The following BAZ1B variants were observed in gnomAD, a reference collection of about 807,000 sequenced individuals.
BAZ1B encodes bromodomain adjacent to zinc finger domain 1B.
BAZ1B carries 22 observed loss-of-function variants against 153.8 expected under a neutral mutation model. The ratio of observed to expected loss-of-function variants is 0.14; its 90% CI spans 0.10 to 0.20. The LOEUF is 0.20. Ranked by LOEUF, BAZ1B falls within the 10% of genes least tolerant of loss-of-function variation. The pLI, the probability that BAZ1B is intolerant of heterozygous loss-of-function variation, is 1.00. For missense variants in BAZ1B, 1,325 were observed against 1,799.3 expected (o/e 0.74, Z 4.77); for synonymous variants, 676 against 633.4 (o/e 1.07, Z -1.01).
rs782041796 is a variant in BAZ1B, at chr7:73,492,937, A to C, written c.572-16T>G. 1.6e-5 allele frequency: 25 copies of C among 1,573,280 alleles called. No homozygotes were observed. In the East Asian group the frequency reaches 5.4e-4, roughly 34 times the overall value. On this transcript the variant is annotated splice_polypyrimidine_tract_variant and intron_variant, in intron 4 of 19. Coordinates refer to ENST00000339594, the MANE Select transcript of BAZ1B (RefSeq NM_032408.4). ...GCTCTGTCATCTAGTCAAATCATAG[A>C]AAATTAGTGAAAAACGTAATTATTT... is the stretch of plus-strand genomic sequence containing the variant.
chr7:73,452,627 C>G (rs1788059788), intron 13 of BAZ1B, among the ~76,000 whole-genome samples: 1 of 150,668 alleles, frequency 6.6e-6, no homozygotes, highest in Non-Finnish European at 1.5e-5. Context: ...GAGACTGAGG[C>G]AGGAGAATTG....
At chr7:73,495,786 A>G (rs1554576302) in intron 4 of BAZ1B, among the ~76,000 whole-genome samples, 1 of 152,188 alleles carries the variant, frequency 6.6e-6, no homozygotes, top group Non-Finnish European at 1.5e-5. Flanking sequence ...GGAACAGAAA[A>G]CCAAATACTG....
chr7:73,447,218 C>A (rs1444995041), intron 16 of BAZ1B, 46 bp downstream of exon 16: 1 of 1,612,396 alleles, frequency 6.2e-7, no homozygotes, highest in South Asian at 1.1e-5. Flanking sequence ...GCGTTCCAAG[C>A]TTAGAAGACT....
chr7:73,442,718 C>A lies in BAZ1B; in HGVS notation c.4094+7G>T. ...CTCTCCCCTGCACCTGAGAACACAG[C>A]ACTCACCTGAAGGGCCAGCTGAAGC... On this transcript the variant is annotated splice_region_variant and intron_variant, in intron 18 of 19. Transcript: ENST00000339594. 1 of 1,613,044 alleles carries A rather than the reference C, an allele frequency of 6.2e-7. No individual in the cohort carries two copies. Among genetic ancestry groups the A allele is most frequent in the East Asian group, 2.2e-5 (1 of 44,862 alleles).
chr7:73,489,165 T>C (rs1330154489), intron 6 of BAZ1B, 29 bp downstream of exon 6: 2 of 1,601,542 alleles, frequency 1.2e-6, no homozygotes, highest in African/African-American at 1.3e-5. Context: ...TGCTTTATCC[T>C]GCTGTCCAAA....
chr7:73,464,356 A>C (rs1554570863), intron 11 of BAZ1B, among the ~76,000 whole-genome samples: 1 of 152,134 alleles, frequency 6.6e-6, no homozygotes, highest in Non-Finnish European at 1.5e-5. Flanking sequence ...GATTCTTTTT[A>C]ATTCATATGA....
At chr7:73,481,855 G>C (rs2116352973) in intron 6 of BAZ1B, among the ~76,000 whole-genome samples, 1 of 152,194 alleles carries the variant, frequency 6.6e-6, no homozygotes, top group African/African-American at 2.4e-5. Flanking sequence ...GGCTAACACA[G>C]TGAAACACCA....
chr7:73,508,036 G>A (rs1252871788), intron 3 of BAZ1B, among the ~76,000 whole-genome samples: 1 of 152,064 alleles, frequency 6.6e-6, no homozygotes, highest in Non-Finnish European at 1.5e-5. Flanking sequence ...CACACCTGTA[G>A]TCCCAGCTAC....
rs1554571684 is a variant in BAZ1B at position 73,469,480 on chromosome 7, AG to A, written c.2866+36del. 4 of 1,609,468 alleles carry A rather than the reference AG, an allele frequency of 2.5e-6. No individual in the cohort carries two copies. In the East Asian group the frequency reaches 6.7e-5, roughly 27 times the overall value. On this transcript the variant is annotated intron_variant, in intron 9 of 19. Coordinates refer to ENST00000339594, the MANE Select transcript of BAZ1B (RefSeq NM_032408.4). ...TCCTTAATGTTGAGCCCACTTGAGC[AG>A]GGTGAAATAACTCTTAGATATACAG...
At chr7:73,479,965 C>A (rs782558624) in intron 6 of BAZ1B, among the ~76,000 whole-genome samples, 1 of 151,968 alleles carries the variant, frequency 6.6e-6, no homozygotes, top group African/African-American at 2.4e-5. Flanking sequence ...GTCAGGAGAT[C>A]GAGACCATCC....
intron 8 of BAZ1B, 88 bp from the exon 9 acceptor site, chr7:73,469,738 C>CA: frequency 6.8e-7 from 1 of 1,480,962 alleles, no homozygotes; most frequent in East Asian, 2.3e-5. Flanking sequence ...TACAGAGTAT[C>CA]ACTGAGCATT....
At position 73,441,454 on chromosome 7, in the gene BAZ1B, A is replaced by T. The variant is rs1231178443; in HGVS notation, c.*255T>A. 1.3e-5 allele frequency: 2 copies of T among 152,272 alleles called. No homozygotes were observed. The highest frequency in any genetic ancestry group is 4.8e-5 in the African/African-American group (2 of 41,392). 9.4% of individuals were successfully genotyped at this position (152,272 alleles called of 1,614,324 possible). A position where few individuals can be genotyped will look rare whatever the true frequency, so the allele number is the denominator to read the frequency against. On this transcript the variant is annotated 3_prime_UTR_variant, in exon 20 of 20. Coordinates refer to ENST00000339594, the MANE Select transcript of BAZ1B (RefSeq NM_032408.4). ...GGCCAGATCCATCAAAGTAAAGGTT[A>T]TATGCATGATTATAAGCAGGACTCC... is the stretch of plus-strand genomic sequence containing the variant.
chr7:73,499,119 G>C (rs1040232729), intron 3 of BAZ1B, among the ~76,000 whole-genome samples: 1 of 152,094 alleles, frequency 6.6e-6, no homozygotes, highest in Non-Finnish European at 1.5e-5. Context: ...TCCGCTTCCT[G>C]GGTTCAAGCC....
Position 73,442,390 on chromosome 7 carries a change from A to G in BAZ1B, c.4258T>C (p.Cys1420Arg), listed in dbSNP as rs782789403. 1 of 1,614,254 alleles carries G rather than the reference A, an allele frequency of 6.2e-7. No individual in the cohort carries two copies. Among genetic ancestry groups the G allele is most frequent in the Non-Finnish European group, 8.5e-7 (1 of 1,180,056 alleles). The change falls in exon 19 of 20, where the codon TGC (cysteine) becomes CGC (arginine). Residue 1420 changes from cysteine to arginine, a missense_variant. Transcript: ENST00000339594. Reference protein sequence around the residue: ...QVFTNAEVYNCRGSHVLSCMV... With the variant: ...QVFTNAEVYNRRGSHVLSCMV... ...CAGCTTAGCACATGGCTGCCACGGC[A>G]GTTGTAAACCTCAGCATTGGTAAAC... is the stretch of plus-strand genomic sequence containing the variant.
At chr7:73,460,192 GAA>G (rs782211272) in intron 12 of BAZ1B, among the ~76,000 whole-genome samples, 4,288 of 73,532 alleles carry the variant, frequency 0.058, 82 homozygotes, top group Non-Finnish European at 0.081. Context: ...CCGTCTCAGG[GAA>G]AAAAAAAAAA....
chr7:73,445,351 G>C (rs1787792354), intron 16 of BAZ1B, among the ~76,000 whole-genome samples: 1 of 152,162 alleles, frequency 6.6e-6, no homozygotes, highest in African/African-American at 2.4e-5. Flanking sequence ...CTGATGCTTA[G>C]GTGCTAGAAC....
intron 6 of BAZ1B, among the ~76,000 whole-genome samples, chr7:73,486,484 G>A (rs985833157): frequency 2.0e-5 from 3 of 152,052 alleles, no homozygotes; most frequent in East Asian, 1.9e-4. Context: ...CCGCCACCAC[G>A]CCCGGCTAAT....
intron 15 of BAZ1B, 35 bp downstream of exon 15, chr7:73,449,507 T>C: frequency 2.5e-6 from 4 of 1,588,646 alleles, no homozygotes; most frequent in Non-Finnish European, 3.4e-6. Context: ...TTCATATTTA[T>C]TCATTCAATT....
At chr7:73,496,969 A>C (rs1399790296) in intron 4 of BAZ1B, among the ~76,000 whole-genome samples, 5 of 151,696 alleles carry the variant, frequency 3.3e-5, no homozygotes, top group Non-Finnish European at 7.4e-5. Flanking sequence ...CAACAGAGTA[A>C]GACCCTGTTT....
Sources: gnomAD v4.1 joint callset for allele counts (sites outside exome capture counted in the v4.1 genomes callset) on GRCh38, gnomAD v4.1.1 for gene constraint, MANE v1.5 for transcripts, NCBI Gene and HGNC (gene_info 2026-07-23, HGNC 2026-07-21) for gene names.